The following ANO3 variants were observed in gnomAD, a reference collection of about 807,000 sequenced individuals.
The protein encoded by ANO3 is anoctamin-3.
A neutral mutation model predicts 144.8 loss-of-function variants in ANO3; 99 were observed. The observed-to-expected ratio is 0.68, with a 90% confidence interval of 0.58 to 0.81. ANO3 has a LOEUF of 0.81. ANO3 is among the 30% of genes least tolerant of loss of function. ANO3 has a pLI of 0.00. For synonymous variants in ANO3, 414 were observed against 392.6 expected, an observed-to-expected ratio of 1.05 and a Z score of -0.64; for missense variants, 905 against 1,202.2, an observed-to-expected ratio of 0.75 and a Z score of 3.66.
chr11:26,598,327 T>C (rs755220643), intron 14 of ANO3, 38 bp from the exon 15 acceptor site: 6 of 1,151,848 alleles, frequency 5.2e-6, no homozygotes, highest in Non-Finnish European at 7.2e-6. Context: ...CAATATGATG[T>C]GATTTGGGTA....
At chr11:26,601,912 C>A (rs1453570920) in intron 17 of ANO3, among the ~76,000 whole-genome samples, 4 of 152,054 alleles carry the variant, frequency 2.6e-5, no homozygotes, top group African/African-American at 9.7e-5. Flanking sequence ...AGTAGCTGGT[C>A]ATAGTTCTGC....
At chr11:26,432,707 G>A (rs1296666507) in intron 1 of ANO3, among the ~76,000 whole-genome samples, 3 of 151,866 alleles carry the variant, frequency 2.0e-5, no homozygotes, top group African/African-American at 7.3e-5. Flanking sequence ...AGATCAGATG[G>A]TTGTAGGTTT....
Position 26,605,721 on chromosome 11 carries a change from G to T in ANO3, c.1836+6007G>T, listed in dbSNP as rs185549798. Among the ~76,000 whole-genome samples, 36 of 152,160 alleles carry T rather than the reference G, an allele frequency of 2.4e-4. 1 individual carries two copies. Among genetic ancestry groups the T allele is most frequent in the African/African-American group, 7.2e-4 (30 of 41,492 alleles). ...TTCTTCTAGATTTTCTAGTTTATTT[G>T]CATAGAGGTGTTTATAGTCTTCTCT... On this transcript the variant is annotated intron_variant, in intron 17 of 26. Coordinates refer to ENST00000256737, the MANE Select transcript of ANO3 (RefSeq NM_031418.4).
chr11:26,191,708 A>T (rs916039992), intron 1 of ANO3, among the ~76,000 whole-genome samples: 1 of 152,184 alleles, frequency 6.6e-6, no homozygotes, highest in Non-Finnish European at 1.5e-5. Context: ...ATATTCTTTC[A>T]AAATAATCTT....
At chr11:26,374,032 A>G (rs1424680180) in intron 1 of ANO3, among the ~76,000 whole-genome samples, 1 of 152,248 alleles carries the variant, frequency 6.6e-6, no homozygotes, top group Non-Finnish European at 1.5e-5. Flanking sequence ...CCAGCAAAGT[A>G]TATAAATGGT....
chr11:26,463,973 G>A (rs1493728), intron 4 of ANO3, among the ~76,000 whole-genome samples: 14,827 of 151,606 alleles, frequency 0.098, 937 homozygotes, highest in Admixed American at 0.16. Flanking sequence ...ATTAAGTGCA[G>A]TTTAACACAA....
At chr11:26,480,718 T>G (rs77771220) in intron 4 of ANO3, among the ~76,000 whole-genome samples, 126,171 of 149,356 alleles carry the variant, frequency 0.84, 52,631 homozygotes, top group South Asian at 0.89. Context: ...TGAGGCAGGT[T>G]CATCAATTGA....
chr11:26,479,689 A>G (rs1860133532), intron 4 of ANO3, among the ~76,000 whole-genome samples: 1 of 152,142 alleles, frequency 6.6e-6, no homozygotes, highest in Admixed American at 6.5e-5. Context: ...TCAGGTGGGG[A>G]CACAGCCAAA....
intron 1 of ANO3, among the ~76,000 whole-genome samples, chr11:26,415,207 G>GA (rs1399203636): frequency 1.3e-5 from 2 of 151,864 alleles, no homozygotes; most frequent in East Asian, 3.9e-4. Context: ...GTTGGCATAT[G>GA]AAAAAATGCC....
At chr11:26,493,503 C>T (rs1178783866) in intron 4 of ANO3, among the ~76,000 whole-genome samples, 1 of 152,204 alleles carries the variant, frequency 6.6e-6, no homozygotes, top group Non-Finnish European at 1.5e-5. Flanking sequence ...AAAAGATGCA[C>T]ATCAGTCCAT....
intron 1 of ANO3, among the ~76,000 whole-genome samples, chr11:26,234,269 T>A (rs1852466545): frequency 6.6e-6 from 1 of 152,210 alleles, no homozygotes; most frequent in Admixed American, 6.5e-5. Flanking sequence ...TGCATGTTTG[T>A]TTTTTCATAT....
At chr11:26,451,521 C>T (rs1412840776) in intron 3 of ANO3, among the ~76,000 whole-genome samples, 1 of 152,152 alleles carries the variant, frequency 6.6e-6, no homozygotes, top group Non-Finnish European at 1.5e-5. Context: ...AAGGCGGCAG[C>T]AAGGCTGGGG....
At chr11:26,313,240 T>C (rs1854542268) in intron 1 of ANO3, among the ~76,000 whole-genome samples, 2 of 152,234 alleles carry the variant, frequency 1.3e-5, no homozygotes, top group South Asian at 4.1e-4. Context: ...ATTGCACCAT[T>C]GCTGTGAATC....
intron 1 of ANO3, among the ~76,000 whole-genome samples, chr11:26,223,201 T>C (rs578077135): frequency 6.6e-6 from 1 of 152,186 alleles, no homozygotes; most frequent in Non-Finnish European, 1.5e-5. Flanking sequence ...AATTCTTTAC[T>C]ACTTAAAAAT....
At chr11:26,596,490 A>G (rs7935276) in intron 14 of ANO3, among the ~76,000 whole-genome samples, 13,479 of 152,260 alleles carry the variant, frequency 0.089, 758 homozygotes, top group African/African-American at 0.16. Context: ...AACGGGTCCC[A>G]CATAACTGCC....
intron 1 of ANO3, among the ~76,000 whole-genome samples, chr11:26,207,697 T>C (rs1159675581): frequency 6.6e-6 from 1 of 152,194 alleles, no homozygotes; most frequent in African/African-American, 2.4e-5. Context: ...TTTTTAAAAA[T>C]GGATAATGCT....
rs115016486 is a variant in ANO3 at position 26,277,005 on chromosome 11, C to T, written c.155-32640C>T. Among the ~76,000 whole-genome samples, 411 of 152,132 alleles carry T rather than the reference C, an allele frequency of 2.7e-3. 2 individuals are homozygous for T. The highest frequency in any genetic ancestry group is 9.1e-3 in the African/African-American group (378 of 41,518). ...TTGTGTGGTATCTAATCACAGCACGCGGTAAGCTTGCCCTCTAGTGGCTGC... is the reference window on the plus strand; with the variant it reads ...TTGTGTGGTATCTAATCACAGCACGTGGTAAGCTTGCCCTCTAGTGGCTGC... On this transcript the variant is annotated intron_variant, in intron 1 of 27. Coordinates refer to the ANO3 transcript ENST00000672621.
upstream of ANO3, among the ~76,000 whole-genome samples, chr11:26,329,040 T>C (rs957312420): frequency 2.0e-5 from 3 of 152,082 alleles, no homozygotes; most frequent in African/African-American, 4.8e-5. Context: ...ATACACATTT[T>C]GCATGTCATT....
At chr11:26,525,530 G>C in intron 6 of ANO3, 105 bp from the exon 7 acceptor site, 1 of 814,962 alleles carries the variant, frequency 1.2e-6, no homozygotes, top group Non-Finnish European at 2.0e-6. Flanking sequence ...TTAAGCATAC[G>C]GAACTTGGAG....
Sources: gnomAD v4.1 joint callset for allele counts (sites outside exome capture counted in the v4.1 genomes callset) on GRCh38, gnomAD v4.1.1 for gene constraint, MANE v1.5 for transcripts, NCBI Gene and HGNC (gene_info 2026-07-23, HGNC 2026-07-21) for gene names.